The following ARK2N variants were observed in gnomAD, a reference collection of about 807,000 sequenced individuals.
The protein encoded by ARK2N is arkadia (RNF111) N-terminal like PKA signaling regulator 2N, also known as protein ARK2N.
At chr18:46,246,948 A>C in the ARK2N span, among the ~76,000 whole-genome samples, 231 of 152,036 alleles carry the variant, frequency 1.5e-3, 1 homozygote, top group Non-Finnish European at 2.3e-3. Context: ...TTTCAAAAAA[A>C]AAAAAAAAAA....
the ARK2N span, among the ~76,000 whole-genome samples, chr18:46,235,174 C>A: frequency 5.9e-5 from 9 of 152,272 alleles, no homozygotes; most frequent in South Asian, 2.1e-4. Flanking sequence ...TAGATTAATC[C>A]AGAGCAATTT....
the ARK2N span, among the ~76,000 whole-genome samples, chr18:46,185,474 G>A: frequency 6.6e-6 from 1 of 152,172 alleles, no homozygotes; most frequent in South Asian, 2.1e-4. Flanking sequence ...TACTAGTATT[G>A]TGATTGTCTT....
At chr18:46,237,685 G>A in the ARK2N span, among the ~76,000 whole-genome samples, 1 of 152,142 alleles carries the variant, frequency 6.6e-6, no homozygotes, top group African/African-American at 2.4e-5. Flanking sequence ...AGCACACCTG[G>A]CCCCAAGTGC....
At chr18:46,266,465 G>C in the ARK2N span, 1 of 152,560 alleles carries the variant, frequency 6.6e-6, no homozygotes, top group Non-Finnish European at 1.5e-5. Flanking sequence ...GTCTGATGCT[G>C]TTGTATTTTT....
the ARK2N span, chr18:46,232,244 T>G: frequency 6.6e-6 from 1 of 152,200 alleles, no homozygotes; most frequent in Non-Finnish European, 1.5e-5. Flanking sequence ...CAAACAGGCT[T>G]TGTGTTATCA....
chr18:46,215,217 G>C, the ARK2N span, among the ~76,000 whole-genome samples: 3 of 152,154 alleles, frequency 2.0e-5, no homozygotes, highest in African/African-American at 7.2e-5. Context: ...CATTTGGAAG[G>C]CTGAGGCAAG....
chr18:46,188,749 A>G, the ARK2N span, among the ~76,000 whole-genome samples: 1,610 of 152,312 alleles, frequency 0.011, 35 homozygotes, highest in African/African-American at 0.036. Flanking sequence ...GCAGTGGCTC[A>G]TGCCTATAGT....
the ARK2N span, among the ~76,000 whole-genome samples, chr18:46,250,445 T>C: frequency 1.3e-5 from 2 of 148,148 alleles, no homozygotes; most frequent in East Asian, 2.1e-4. Context: ...TGACTTTCTA[T>C]GTTCTTTCAT....
chr18:46,250,510 A>ACACACACACACACACACACG, the ARK2N span, among the ~76,000 whole-genome samples: 2 of 151,394 alleles, frequency 1.3e-5, no homozygotes, highest in South Asian at 4.2e-4. Flanking sequence ...ACACACACAC[A>ACACACACACACACACACACG]CACACAGTAT....
At chr18:46,198,263 C>A in the ARK2N span, among the ~76,000 whole-genome samples, 1 of 141,382 alleles carries the variant, frequency 7.1e-6, no homozygotes, top group African/African-American at 2.7e-5. Context: ...GAGCCGAGAT[C>A]GCCCCCACTG....
the ARK2N span, among the ~76,000 whole-genome samples, chr18:46,254,888 C>G: frequency 6.6e-6 from 1 of 152,090 alleles, no homozygotes; most frequent in Non-Finnish European, 1.5e-5. Context: ...CCTCCCCTGC[C>G]GCACATGCAC....
the ARK2N span, among the ~76,000 whole-genome samples, chr18:46,191,852 A>G: frequency 6.6e-6 from 1 of 152,136 alleles, no homozygotes; most frequent in South Asian, 2.1e-4. Context: ...TCTGGCAACC[A>G]TTGATCTGTT....
the ARK2N span, among the ~76,000 whole-genome samples, chr18:46,203,971 T>G: frequency 9.5e-4 from 145 of 152,270 alleles, 4 homozygotes; most frequent in South Asian, 0.029. Context: ...TCATATTCCT[T>G]TTGAAAATTT....
chr18:46,257,648 A>T, the ARK2N span, among the ~76,000 whole-genome samples: 6 of 141,580 alleles, frequency 4.2e-5, no homozygotes, highest in East Asian at 1.2e-3. Context: ...CTTTTAATTT[A>T]CAAACCTCAG....
chr18:46,216,725 T>C, the ARK2N span: 2 of 832,556 alleles, frequency 2.4e-6, no homozygotes, highest in African/African-American at 1.7e-5. The surrounding 1 kb of genome is among the most constrained non-coding windows in gnomAD (Gnocchi z 4.3). Context: ...AAGACTGCAG[T>C]CTATTAACAA....
the ARK2N span, among the ~76,000 whole-genome samples, chr18:46,219,565 G>C: frequency 2.0e-5 from 3 of 151,862 alleles, no homozygotes; most frequent in African/African-American, 4.8e-5. Context: ...CGCCTCCCAG[G>C]TTCAAGCGAT....
At chr18:46,266,323 C>T in the ARK2N span, 8 of 152,566 alleles carry the variant, frequency 5.2e-5, no homozygotes, top group African/African-American at 1.4e-4. Flanking sequence ...TTTTTTAAGG[C>T]AAAGCAAGCT....
the ARK2N span, among the ~76,000 whole-genome samples, chr18:46,246,606 C>A: frequency 6.6e-6 from 1 of 152,200 alleles, no homozygotes; most frequent in Non-Finnish European, 1.5e-5. Flanking sequence ...CTTTCTCATG[C>A]CTCTTATCTT....
the ARK2N span, among the ~76,000 whole-genome samples, chr18:46,199,119 TAAAAC>T: frequency 6.6e-6 from 1 of 152,132 alleles, no homozygotes; most frequent in Non-Finnish European, 1.5e-5. Flanking sequence ...GTAAATGAGA[TAAAAC>T]AAAATTAAAT....
Sources: gnomAD v4.1 joint callset for allele counts (sites outside exome capture counted in the v4.1 genomes callset) on GRCh38, gnomAD v4.1.1 for gene constraint, Gnocchi (gnomAD v3.1) non-coding constraint, MANE v1.5 for transcripts, NCBI Gene and HGNC (gene_info 2026-07-23, HGNC 2026-07-21) for gene names.